The following FYB2 variants were observed in gnomAD, a reference collection of about 807,000 sequenced individuals.
FYB2 encodes FYN binding protein 2.
FYB2 carries 103 observed loss-of-function variants against 94.1 expected under a neutral mutation model. The ratio of observed to expected loss-of-function variants is 1.09; its 90% CI spans 0.93 to 1.29. The LOEUF is 1.29. FYB2 is among the 50% of genes most tolerant of loss of function. The pLI, the probability that FYB2 is intolerant of heterozygous loss-of-function variation, is 0.00. For missense variants in FYB2, 896 were observed against 841.5 expected (o/e 1.06, Z -0.80); for synonymous variants, 293 against 287.9 (o/e 1.02, Z -0.18).
intron 6 of FYB2, among the ~76,000 whole-genome samples, chr1:56,757,794 CTCAG>C (rs1645391884): frequency 7.0e-6 from 1 of 142,576 alleles, no homozygotes; most frequent in African/African-American, 2.6e-5. Context: ...GATACAGGGT[CTCAG>C]TCTGTCTACT....
chr1:56,792,841 AAAAC>A (rs761620553), intron 1 of FYB2, 38 bp from the exon 2 acceptor site: 34 of 1,543,854 alleles, frequency 2.2e-5, no homozygotes, highest in South Asian at 6.0e-5. Context: ...AACAAAAACA[AAAAC>A]AAACAAACAA....
intron 4 of FYB2, among the ~76,000 whole-genome samples, chr1:56,784,915 C>T (rs576162747): frequency 6.6e-6 from 1 of 152,190 alleles, no homozygotes; most frequent in East Asian, 1.9e-4. Context: ...ACCTATTATG[C>T]AGGATACAGG....
At chr1:56,823,300 TA>T (rs1389014741), upstream of FYB2, among the ~76,000 whole-genome samples, 1 of 151,830 alleles carries the variant, frequency 6.6e-6, no homozygotes, top group African/African-American at 2.4e-5. Flanking sequence ...AGTGGACCAT[TA>T]AAAAAACAGG....
At chr1:56,744,295 C>T in intron 9 of FYB2, 29 bp from the exon 10 acceptor site, 1 of 1,516,952 alleles carries the variant, frequency 6.6e-7, no homozygotes, top group Non-Finnish European at 9.1e-7. Flanking sequence ...ACCTGAAAAA[C>T]ATCACATCAG....
intron 1 of FYB2, 124 bp downstream of exon 1, chr1:56,819,158 T>C (rs1395922379): frequency 5.7e-6 from 6 of 1,049,976 alleles, no homozygotes; most frequent in Non-Finnish European, 8.0e-6. Flanking sequence ...ACACCTGACA[T>C]GTTTATTCCT....
At chr1:56,815,115 C>G (rs990425390) in intron 1 of FYB2, among the ~76,000 whole-genome samples, 2 of 152,124 alleles carry the variant, frequency 1.3e-5, no homozygotes, top group African/African-American at 2.4e-5. Context: ...ACTCTGGATA[C>G]TCTTTTTTTA....
chr1:56,778,902 A>C (rs1645945395), intron 4 of FYB2, among the ~76,000 whole-genome samples: 1 of 152,200 alleles, frequency 6.6e-6, no homozygotes, highest in Non-Finnish European at 1.5e-5. Context: ...AATGGCGGGC[A>C]CATAGTTGGA....
Position 56,753,899 on chromosome 1 carries a change from T to C in FYB2, c.1167A>G (p.Gln389=), listed in dbSNP as rs1182796768. 6.2e-7 allele frequency: 1 copy of C among 1,611,304 alleles called. No individual in the cohort carries two copies. Among genetic ancestry groups the C allele is most frequent in the Admixed American group, 1.7e-5 (1 of 59,844 alleles). Reference sequence around the variant, plus strand: ...TGTTTTTAGGTTTCAATTCACATGGTTGTTTTTCCTTCATTTTTTTATCTT... The same window carrying C: ...TGTTTTTAGGTTTCAATTCACATGGCTGTTTTTCCTTCATTTTTTTATCTT... ...KHEDKKMKEK[Q]PCELKPKNTE... is the part of the protein sequence containing the mutation. Residue 389 remains glutamine, a synonymous_variant, in exon 8 of 20, where the codon CAA becomes CAG. Transcript: ENST00000343433.
Position 56,772,967 on chromosome 1 carries a change from A to G in FYB2, c.954-5029T>C, listed in dbSNP as rs529368809. Among the ~76,000 whole-genome samples the G allele has an allele frequency of 3.3e-5, 5 of 152,280 alleles. No individual in the cohort carries two copies. The South Asian group carries it at 1.0e-3, about 32-fold the overall frequency. ...TTTCTAACTTTTCTTACTTCCTTAC[A>G]GAAAACCTCCAGTTATTTATACACT... On this transcript the variant is annotated intron_variant, in intron 4 of 19. Transcript: ENST00000343433.
At chr1:56,723,555 A>G in intron 17 of FYB2, 33 bp downstream of exon 17, 1 of 1,295,118 alleles carries the variant, frequency 7.7e-7, no homozygotes, top group South Asian at 1.4e-5. Context: ...AGCTGTTAAT[A>G]TTGCTAATTT....
chr1:56,819,774 T>C (rs1197742646), upstream of FYB2: 1 of 174,742 alleles, frequency 5.7e-6, no homozygotes, highest in Non-Finnish European at 1.2e-5. Flanking sequence ...GGCTACTTAA[T>C]TTCACAAACC....
chr1:56,728,135 G>A (rs1644622652), intron 15 of FYB2, among the ~76,000 whole-genome samples: 1 of 152,036 alleles, frequency 6.6e-6, no homozygotes, highest in Non-Finnish European at 1.5e-5. Flanking sequence ...GATCATATAT[G>A]CCTTATGGTC....
At position 56,788,973 on chromosome 1, in the gene FYB2, C is replaced by T; in HGVS notation, c.919G>A (p.Val307Met). 1.2e-6 allele frequency: 2 copies of T among 1,614,012 alleles called. No homozygotes were observed. The highest frequency in any genetic ancestry group is 1.7e-6 in the Non-Finnish European group (2 of 1,179,942). Residue 307 changes from valine to methionine, a missense_variant and splice_region_variant, in exon 3 of 20, where the codon GTG becomes ATG. Coordinates refer to ENST00000343433, the MANE Select transcript of FYB2 (RefSeq NM_001004303.5). The stretch of plus-strand genomic sequence containing the variant: ...TGTAGGGCCCTGTGCATTTCCTTAC[C>T]TTCCCCCTGAGTCTTGGGAACAGCA... ...PAAVPKTQGE[V>M]TVEEGSLSPE...
At chr1:56,730,097 A>C (rs569280609) in intron 15 of FYB2, among the ~76,000 whole-genome samples, 2 of 152,062 alleles carry the variant, frequency 1.3e-5, no homozygotes, top group South Asian at 4.2e-4. Flanking sequence ...TTCAAAAAAC[A>C]ATCTAATGAT....
At chr1:56,823,773 T>C (rs1647006972), upstream of FYB2, 2 of 152,132 alleles carry the variant, frequency 1.3e-5, no homozygotes, top group Non-Finnish European at 2.9e-5. Context: ...TTTTGGTTCT[T>C]GTAAAGAAAT....
Position 56,751,115 on chromosome 1 carries a change from G to C in FYB2, c.1316C>G (p.Ala439Gly). Reference protein sequence around the residue: ...RRNMLAGKQEAMIDIIQTNPC... With the variant: ...RRNMLAGKQEGMIDIIQTNPC... ...ATTTGTCTGGATGATGTCAATCATG[G>C]CCTCTTGCTTTCCAGCCAACATGTT... Residue 439 changes from alanine to glycine, a missense_variant, in exon 9 of 20, where the codon GCC becomes GGC. Ala to Gly is a moderately conservative substitution (Grantham distance 60). Transcript: ENST00000343433. 2 of 1,612,842 alleles carry C rather than the reference G, an allele frequency of 1.2e-6. No individual in the cohort carries two copies. The highest frequency in any genetic ancestry group is 1.7e-6 in the Non-Finnish European group (2 of 1,179,248).
chr1:56,792,062 C>A lies in FYB2; in HGVS notation c.751G>T (p.Ala251Ser), dbSNP rs776203870. 5 of 1,577,572 alleles carry A rather than the reference C, an allele frequency of 3.2e-6. No individual in the cohort carries two copies. The highest frequency in any genetic ancestry group is 1.9e-4 in the Middle Eastern group (1 of 5,314). The part of the protein sequence containing the change: ...PIYECELASQ[A>S]PEKQPDVRHH... Reference sequence around the variant, plus strand: ...TGGGGATCACGTTTGTTACCTGGGGCCTGACTGGCAAGCTCACACTCATAG... The same window carrying A: ...TGGGGATCACGTTTGTTACCTGGGGACTGACTGGCAAGCTCACACTCATAG... Residue 251 changes from alanine to serine, a missense_variant, in exon 2 of 20, where the codon GCC becomes TCC. Coordinates refer to ENST00000343433, the MANE Select transcript of FYB2 (RefSeq NM_001004303.5).
At chr1:56,809,001 A>G (rs938144241) in intron 1 of FYB2, among the ~76,000 whole-genome samples, 5 of 152,236 alleles carry the variant, frequency 3.3e-5, no homozygotes, top group Non-Finnish European at 7.3e-5. Context: ...ACACACACAC[A>G]TACACATATA....
chr1:56,780,596 C>T (rs1628364), intron 4 of FYB2, among the ~76,000 whole-genome samples: 73,483 of 152,036 alleles, frequency 0.48, 18,007 homozygotes, highest in Middle Eastern at 0.54. Context: ...GGTCAGAGAG[C>T]GCACAAAGCA....
Sources: allele counts gnomAD v4.1 joint callset (sites outside exome capture counted in the v4.1 genomes callset), GRCh38; gene constraint gnomAD v4.1.1; transcripts MANE v1.5; gene names NCBI Gene and HGNC (gene_info 2026-07-23, HGNC 2026-07-21).